TRAF3IP2: variants seen among roughly 807,000 people sequenced by gnomAD.
TRAF3IP2 encodes TRAF3 interacting protein 2, also known as E3 ubiquitin ligase TRAF3IP2.
A neutral mutation model predicts 57.9 loss-of-function variants in TRAF3IP2; 35 were observed. The ratio of observed to expected loss-of-function variants is 0.60; its 90% CI spans 0.46 to 0.80. TRAF3IP2 has a LOEUF of 0.80. Ranked by LOEUF, TRAF3IP2 falls within the 30% of genes least tolerant of loss-of-function variation. The probability of loss-of-function intolerance (pLI) is 0.00; values close to 1 mark genes in which losing one functional copy is unlikely to be tolerated. For synonymous variants in TRAF3IP2, 251 were observed against 268.9 expected (o/e 0.93, Z 0.65); for missense variants, 556 against 706.4 (o/e 0.79, Z 2.41).
At chr6:111,577,321 A>G (rs2128376444) in intron 3 of TRAF3IP2, among the ~76,000 whole-genome samples, 1 of 152,362 alleles carries the variant, frequency 6.6e-6, no homozygotes, top group East Asian at 1.9e-4. Context: ...TATAAAAACA[A>G]TACCATGGAA....
rs1796033778 is a variant in TRAF3IP2, at chr6:111,577,746, C to G, written c.1023-1925G>C. On this transcript the variant is annotated intron_variant, in intron 3 of 8. Transcript: ENST00000368761. ...TTAGTTTTTGAGACAGAGTCTCACT[C>G]TGTCACCCAGGCTGGAGTGCAGTGG... Among the ~76,000 whole-genome samples the G allele has an allele frequency of 2.0e-5, 3 of 151,634 alleles. No individual in the cohort carries two copies. In the South Asian group the frequency reaches 6.3e-4, roughly 32 times the overall value.
intron 2 of TRAF3IP2, among the ~76,000 whole-genome samples, chr6:111,590,596 G>A (rs1796478525): frequency 6.6e-6 from 1 of 152,072 alleles, no homozygotes; most frequent in Admixed American, 6.6e-5. Flanking sequence ...CACCAGAAGG[G>A]GAAGAACATC....
chr6:111,583,065 G>C (rs1796214934), intron 2 of TRAF3IP2, among the ~76,000 whole-genome samples: 1 of 152,258 alleles, frequency 6.6e-6, no homozygotes, highest in African/African-American at 2.4e-5. Flanking sequence ...TTCCTATCAT[G>C]GGTTTGCATA....
chr6:111,567,667 C>T lies in TRAF3IP2; in HGVS notation c.1316G>A (p.Arg439Gln), dbSNP rs978486734. The T allele has an allele frequency of 1.9e-6, 3 of 1,607,742 alleles. No individual in the cohort carries two copies. The highest frequency in any genetic ancestry group is 2.5e-6 in the Non-Finnish European group (3 of 1,177,626). The part of the protein sequence containing the change: ...TAIDIFEDRI[R>Q]GIDIIKWMER... ...CATCCATTTAATGATATCAATGCCT[C>T]GGATTCTATCCTCAAATATGTCAAT... The change falls in exon 6 of 9, where the codon CGA (arginine) becomes CAA (glutamine). Residue 439 changes from arginine (R) to glutamine (Q), a missense_variant. Arg to Gln is a conservative substitution (Grantham distance 43). Coordinates refer to ENST00000368761, the MANE Select transcript of TRAF3IP2 (RefSeq NM_147686.4).
intron 5 of TRAF3IP2, among the ~76,000 whole-genome samples, chr6:111,568,808 C>T (rs1212413020): frequency 6.6e-6 from 1 of 152,142 alleles, no homozygotes; most frequent in Non-Finnish European, 1.5e-5. Context: ...CATTGGAGTC[C>T]CCTGTACCCT....
At position 111,591,794 on chromosome 6, in the gene TRAF3IP2, C is replaced by T. The variant is rs766643625; in HGVS notation, c.293G>A (p.Arg98Lys). ...GAAAGCTTTGCCCAGGCCTGGGTGT[C>T]TCCTGCAGAAACTGTCTTCACTGTC... ...LEDSEDSFCR[R>K]HPGLGKAFPS... Residue 98 changes from arginine to lysine, a missense_variant, in exon 2 of 9, where the codon AGA (arginine) becomes AAA (lysine). Transcript: ENST00000368761. The surrounding 1 kb of genome is among the most constrained non-coding windows in gnomAD (Gnocchi z 4.9). 6.2e-7 allele frequency: 1 copy of T among 1,614,226 alleles called. No individual in the cohort carries two copies. Among genetic ancestry groups the T allele is most frequent in the Non-Finnish European group, 8.5e-7 (1 of 1,180,050 alleles).
chr6:111,594,132 C>CAAAAAAAAAAAAA (rs36108891), intron 1 of TRAF3IP2, among the ~76,000 whole-genome samples: 3 of 124,020 alleles, frequency 2.4e-5, no homozygotes, highest in Admixed American at 1.8e-4. Flanking sequence ...ACTCCATCTC[C>CAAAAAAAAAAAAA]AAAAAAAAAA....
chr6:111,567,313 T>C (rs1795684903), intron 6 of TRAF3IP2: 1 of 1,087,024 alleles, frequency 9.2e-7, no homozygotes, highest in Admixed American at 5.2e-5. Context: ...TTAAATTGAA[T>C]TCTGCTGCTC....
At chr6:111,585,372 C>G (rs1308569523) in intron 2 of TRAF3IP2, among the ~76,000 whole-genome samples, 1 of 150,802 alleles carries the variant, frequency 6.6e-6, no homozygotes, top group African/African-American at 2.4e-5. Context: ...CTTCACATTA[C>G]AAAGACTCTA....
In TRAF3IP2 at chr6:111,591,755, G is replaced by A. The variant is rs1418442717; in HGVS notation, c.332C>T (p.Ser111Phe). Reference sequence around the variant, plus strand: ...CTCAGACGCAGGCTCGCTGACTGCAGAGCACCCAGAAGGGAAAGCTTTGCC... The same window carrying A: ...CTCAGACGCAGGCTCGCTGACTGCAAAGCACCCAGAAGGGAAAGCTTTGCC... ...GLGKAFPSGCSAVSEPASESV... is the reference protein window; with the variant it reads ...GLGKAFPSGCFAVSEPASESV... The change falls in exon 2 of 9, where the codon TCT becomes TTT. Residue 111 changes from serine to phenylalanine, a missense_variant. Transcript: ENST00000368761. This position sits in a 1 kb window ranked among gnomAD's most constrained non-coding sequence, Gnocchi z 4.9. 6.2e-7 allele frequency: 1 copy of A among 1,614,202 alleles called. No individual in the cohort carries two copies. Among genetic ancestry groups the A allele is most frequent in the African/African-American group, 1.3e-5 (1 of 75,048 alleles).
At position 111,580,288 on chromosome 6, in the gene TRAF3IP2, G is replaced by T; in HGVS notation, c.931C>A (p.Gln311Lys). The T allele has an allele frequency of 6.2e-7, 1 of 1,613,954 alleles. No homozygotes were observed. The highest frequency in any genetic ancestry group is 8.5e-7 in the Non-Finnish European group (1 of 1,179,928). The change falls in exon 3 of 9, where the codon CAG (glutamine) becomes AAG (lysine). Residue 311 changes from glutamine to lysine, a missense_variant. By Grantham distance (53) the Gln-to-Lys change is moderately conservative. Around this residue, in one of 2 missense-constraint regions of TRAF3IP2, gnomAD observed 428 missense variants for 498.7 expected, o/e 0.86. Transcript: ENST00000368761. ...GASVRGLHPV[Q>K]KVILNYPSPW... is the part of the protein sequence containing the mutation. ...CTGGGATAATTCAGGATAACCTTCT[G>T]CACAGGGTGCAGGCCTCTCACACTG...
chr6:111,595,697 A>G lies in TRAF3IP2; in HGVS notation c.-8-3603T>C, dbSNP rs975802944. 5.0e-4 allele frequency among the ~76,000 whole-genome samples: 76 copies of G among 152,162 alleles called. 1 individual carries two copies. In the Middle Eastern group the frequency reaches 0.017, roughly 34 times the overall value. On this transcript the variant is annotated intron_variant, in intron 1 of 8. Transcript: ENST00000368761. ...ACAAAAATTAGCCGGGCATGATGGC[A>G]GGCACCTGTAATCCCAGCTACTCCA... is the stretch of plus-strand genomic sequence containing the variant.
In TRAF3IP2 at chr6:111,592,003, C is replaced by T. The variant is rs1370857447; in HGVS notation, c.84G>A (p.Pro28=). Residue 28 remains proline, a synonymous_variant, in exon 2 of 9, where the codon CCG becomes CCA. Transcript: ENST00000368761. ...QLLKPIPEYS[P]EEESEPPAPN... ...GAGCAGGTGGTTCTGATTCCTCTTC[C>T]GGGGAATATTCTGGGATTGGTTTCA... is the stretch of plus-strand genomic sequence containing the variant. 5.6e-6 allele frequency: 9 copies of T among 1,614,056 alleles called. No individual in the cohort carries two copies. Among genetic ancestry groups the T allele is most frequent in the East Asian group, 2.2e-5 (1 of 44,898 alleles).
In TRAF3IP2 at chr6:111,586,688, C is replaced by T. The variant is rs372829081; in HGVS notation, c.829+4570G>A. On this transcript the variant is annotated intron_variant, in intron 2 of 8. Transcript: ENST00000368761. ...GCTCTTCTAAAGCTGAGTAGAGCCA[C>T]GTAGCCATGGTTTCCAACTGCACAA... Among the ~76,000 whole-genome samples, 23 of 152,232 alleles carry T rather than the reference C, an allele frequency of 1.5e-4. 1 individual carries two copies. The highest frequency in any genetic ancestry group is 9.2e-4 in the Admixed American group (14 of 15,298).
rs770136361 is a variant in TRAF3IP2 at position 111,559,075 on chromosome 6, A to G, written c.*330T>C. On this transcript the variant is annotated 3_prime_UTR_variant, in exon 9 of 9. Coordinates refer to ENST00000368761, the MANE Select transcript of TRAF3IP2 (RefSeq NM_147686.4). ...TTTGTAGTCATTTCCATTTGCTGCC[A>G]CATCCCTTACATTATCTACTTGCTA... 140 of 232,118 alleles carry G rather than the reference A, an allele frequency of 6.0e-4. No homozygotes were observed. The highest frequency in any genetic ancestry group is 5.7e-4 in the Non-Finnish European group (68 of 119,754). 14.4% of individuals were successfully genotyped at this position (232,118 alleles called of 1,614,324 possible).
chr6:111,567,076 C>A (rs535957244), intron 6 of TRAF3IP2: 1 of 599,250 alleles, frequency 1.7e-6, no homozygotes. Context: ...TCCCGTCCCC[C>A]ACTGGCTCCC....
chr6:111,581,847 G>A (rs140698501), intron 2 of TRAF3IP2, among the ~76,000 whole-genome samples: 137 of 152,110 alleles, frequency 9.0e-4, no homozygotes, highest in African/African-American at 3.0e-3. Context: ...GTGTGATGGC[G>A]CGCACCTGTA....
At chr6:111,582,010 G>A (rs11962631) in intron 2 of TRAF3IP2, among the ~76,000 whole-genome samples, 114 of 152,276 alleles carry the variant, frequency 7.5e-4, no homozygotes, top group African/African-American at 2.6e-3. Context: ...TTCTTAGCTT[G>A]GCAAAGCAGT....
At chr6:111,569,222 G>A (rs1397974256) in intron 5 of TRAF3IP2, among the ~76,000 whole-genome samples, 2 of 152,196 alleles carry the variant, frequency 1.3e-5, no homozygotes, top group Non-Finnish European at 2.9e-5. Context: ...GCTATTATAT[G>A]GGAGAGAAGC....
Sources: gnomAD v4.1 joint callset for allele counts (sites outside exome capture counted in the v4.1 genomes callset) on GRCh38, gnomAD v4.1.1 for gene constraint, gnomAD v4.1.1 regional missense constraint, Gnocchi (gnomAD v3.1) non-coding constraint, MANE v1.5 for transcripts, NCBI Gene and HGNC (gene_info 2026-07-23, HGNC 2026-07-21) for gene names.